The following PSD3 variants were observed in gnomAD, a reference collection of about 807,000 sequenced individuals.
PSD3 encodes the protein pleckstrin and Sec7 domain containing 3.
PSD3 carries 49 observed loss-of-function variants against 105.5 expected under a neutral mutation model. That is an observed-to-expected ratio of 0.46 (90% CI 0.37 to 0.59). The LOEUF is 0.59. Among genes scored for constraint, PSD3 ranks in the 20% least tolerant of loss-of-function variants. PSD3 has a pLI of 0.00. For synonymous variants in PSD3, 557 were observed against 457.8 expected (o/e 1.22, Z -2.77); for missense variants, 1,561 against 1,263.8 (o/e 1.24, Z -3.57).
chr8:18,695,022 G>A (rs1365444178), intron 9 of PSD3, among the ~76,000 whole-genome samples: 8 of 152,258 alleles, frequency 5.3e-5, no homozygotes, highest in African/African-American at 1.9e-4. Context: ...AAGACAGGAA[G>A]GGACCAGAGT....
At chr8:18,536,069 C>T (rs996596847) in intron 15 of PSD3, 111 bp from the exon 16 acceptor site, 45 of 1,028,364 alleles carry the variant, frequency 4.4e-5, no homozygotes, top group Admixed American at 2.8e-4. Context: ...TTGAAGACTT[C>T]GCTTCATTTC....
At position 18,872,532 on chromosome 8, in the gene PSD3, G is replaced by C; in HGVS notation, c.332C>G (p.Pro111Arg). The C allele has an allele frequency of 1.2e-6, 2 of 1,614,058 alleles. No homozygotes were observed. The highest frequency in any genetic ancestry group is 1.7e-6 in the Non-Finnish European group (2 of 1,179,998). ...AGAGGGGGCCTCTCTGACATCTTTT[G>C]GTCCTTCTGTAACACTGTCGAGCCC... ...HSGLDSVTEGPKDVREAPSQS... is the reference protein window; with the variant it reads ...HSGLDSVTEGRKDVREAPSQS... Residue 111 changes from proline to arginine, a missense_variant, in exon 3 of 16, where the codon CCA becomes CGA. Transcript: ENST00000327040.
intron 15 of PSD3, among the ~76,000 whole-genome samples, chr8:18,552,618 AG>A (rs1244719483): frequency 6.6e-6 from 1 of 152,258 alleles, no homozygotes; most frequent in Non-Finnish European, 1.5e-5. Context: ...CTAGAAGCAC[AG>A]GGATCAATTA....
At chr8:18,639,440 G>A (rs2130793494) in intron 10 of PSD3, among the ~76,000 whole-genome samples, 1 of 152,206 alleles carries the variant, frequency 6.6e-6, no homozygotes, top group Middle Eastern at 3.4e-3. Flanking sequence ...TAGTCTTAGT[G>A]TTATGGGTTT....
chr8:19,080,354 G>C lies in PSD3; in HGVS notation c.324+3852C>G, dbSNP rs149248988. Among the ~76,000 whole-genome samples the C allele has an allele frequency of 6.6e-5, 10 of 152,276 alleles. No individual in the cohort carries two copies. The East Asian group carries it at 1.7e-3, about 26-fold the overall frequency. ...ATGTCAGAGGCCACAGAACTAGTTTGTCAGCAAAACCAGAGCTTCTTTGTT... is the reference window on the plus strand; with the variant it reads ...ATGTCAGAGGCCACAGAACTAGTTTCTCAGCAAAACCAGAGCTTCTTTGTT... On this transcript the variant is annotated intron_variant, in intron 1 of 1. Coordinates refer to the PSD3 transcript ENST00000521475.
intron 8 of PSD3, among the ~76,000 whole-genome samples, chr8:18,778,557 G>C (rs1808308915): frequency 6.6e-6 from 1 of 152,080 alleles, no homozygotes; most frequent in African/African-American, 2.4e-5. Flanking sequence ...AAGGATTTCA[G>C]TTCTGCCTCA....
At chr8:18,747,459 T>C (rs1043652897) in intron 9 of PSD3, among the ~76,000 whole-genome samples, 2 of 152,200 alleles carry the variant, frequency 1.3e-5, no homozygotes, top group Non-Finnish European at 2.9e-5. Flanking sequence ...CAAAGTCAGA[T>C]GCATTGTGGA....
At chr8:18,730,045 C>T (rs1803621335) in intron 9 of PSD3, 1 of 152,096 alleles carries the variant, frequency 6.6e-6, no homozygotes, top group Non-Finnish European at 1.5e-5. Context: ...ACAGGAATAT[C>T]ATACGGGATA....
Position 18,834,933 on chromosome 8 carries a change from C to T in PSD3, c.1635-30035G>A, listed in dbSNP as rs189348458. 4.4e-4 allele frequency among the ~76,000 whole-genome samples: 67 copies of T among 151,770 alleles called. No homozygotes were observed. In the East Asian group the frequency reaches 8.5e-3, roughly 19 times the overall value. ...CCAAAACAGATGTGAGCAAGCAATT[C>T]GTAAAAAAAGGGTAAGCAGATAAGA... On this transcript the variant is annotated intron_variant, in intron 4 of 15. Coordinates refer to ENST00000327040, the MANE Select transcript of PSD3 (RefSeq NM_015310.4).
At position 18,759,092 on chromosome 8, in the gene PSD3, A is replaced by ACACACACACACACTCTCT. The variant is rs756248977; in HGVS notation, c.2172+6356_2172+6357insAGAGAGTGTGTGTGTGTG. Among the ~76,000 whole-genome samples the ACACACACACACACTCTCT allele has an allele frequency of 3.1e-3, 451 of 143,940 alleles. 5 individuals carry two copies. Among genetic ancestry groups the ACACACACACACACTCTCT allele is most frequent in the Non-Finnish European group, 5.4e-3 (347 of 64,732 alleles). The allele number at this position is 143,940 out of a possible 152,430, so 94.4% of individuals were successfully genotyped here. ...TAACCCATTCTTCACACACACACAC[A>ACACACACACACACTCTCT]CTCTCTCTCTCTCTCTCTCTCTCTT... On this transcript the variant is annotated intron_variant, in intron 9 of 15. Coordinates refer to ENST00000327040, the MANE Select transcript of PSD3 (RefSeq NM_015310.4).
chr8:18,560,704 T>C (rs886789158), intron 14 of PSD3, among the ~76,000 whole-genome samples: 1 of 152,214 alleles, frequency 6.6e-6, no homozygotes, highest in Non-Finnish European at 1.5e-5. Flanking sequence ...CATTTACTTA[T>C]ATTAGGGGTT....
intron 12 of PSD3, among the ~76,000 whole-genome samples, chr8:18,583,465 T>C (rs1444877317): frequency 2.6e-5 from 4 of 152,074 alleles, no homozygotes; most frequent in African/African-American, 9.7e-5. Context: ...TCACTCCCCA[T>C]TTAAAACATG....
At chr8:18,686,815 G>T (rs983941091) in intron 9 of PSD3, among the ~76,000 whole-genome samples, 2 of 152,132 alleles carry the variant, frequency 1.3e-5, no homozygotes, top group Admixed American at 6.5e-5. Flanking sequence ...TTTCCCGAAT[G>T]ACCCTCCATC....
chr8:18,851,284 A>G (rs1815540451), intron 4 of PSD3, among the ~76,000 whole-genome samples: 1 of 152,230 alleles, frequency 6.6e-6, no homozygotes, highest in Admixed American at 6.5e-5. Context: ...CAAGGCCGGA[A>G]GTTGAGCCTA....
chr8:18,803,413 G>GTGTGTGTGTGTA (rs1810905879), intron 6 of PSD3: 1 of 151,926 alleles, frequency 6.6e-6, no homozygotes, highest in Admixed American at 6.6e-5. Flanking sequence ...GTGTGTGTGT[G>GTGTGTGTGTGTA]TGTGTGTTAA....
intron 2 of PSD3, among the ~76,000 whole-genome samples, chr8:18,924,276 T>C (rs2129467724): frequency 6.6e-6 from 1 of 152,264 alleles, no homozygotes; most frequent in East Asian, 1.9e-4. Flanking sequence ...ACAGCTAAAA[T>C]AATGGAGAAC....
At chr8:18,776,909 T>C (rs1324516336) in intron 8 of PSD3, among the ~76,000 whole-genome samples, 1 of 152,218 alleles carries the variant, frequency 6.6e-6, no homozygotes, top group East Asian at 1.9e-4. Flanking sequence ...AGTTGGGGAA[T>C]ACTTCTTCAT....
intron 9 of PSD3, among the ~76,000 whole-genome samples, chr8:18,760,154 A>T (rs1183909386): frequency 2.0e-5 from 3 of 152,056 alleles, no homozygotes; most frequent in African/African-American, 7.3e-5. Flanking sequence ...ACAAATGAAA[A>T]GTATATATTT....
intron 9 of PSD3, among the ~76,000 whole-genome samples, chr8:18,662,698 T>A (rs1047114214): frequency 6.6e-6 from 1 of 152,182 alleles, no homozygotes; most frequent in East Asian, 1.9e-4. Context: ...CAATTCAGCT[T>A]GAGAAAGACC....
Sources: gnomAD v4.1 joint callset for allele counts (sites outside exome capture counted in the v4.1 genomes callset) on GRCh38, gnomAD v4.1.1 for gene constraint, MANE v1.5 for transcripts, NCBI Gene and HGNC (gene_info 2026-07-23, HGNC 2026-07-21) for gene names.